The following PRB3 variants were observed in gnomAD, a reference collection of about 807,000 sequenced individuals.
The protein encoded by PRB3 is basic salivary proline-rich protein 3.
Under a neutral mutation model 10.0 loss-of-function variants are expected in PRB3, and 9 were observed. That is an observed-to-expected ratio of 0.90 (90% CI 0.54 to 1.57). The LOEUF (loss-of-function observed/expected upper bound fraction) is 1.57. Among genes scored for constraint, PRB3 ranks in the 40% most tolerant of loss-of-function variants. The pLI, the probability that PRB3 is intolerant of heterozygous loss-of-function variation, is 0.00. For missense variants in PRB3, 285 were observed against 385.5 expected (o/e 0.74, Z 2.18); for synonymous variants, 89 against 138.6 (o/e 0.64, Z 2.52).
chr12:11,267,594 G>T lies in PRB3; in HGVS notation c.655C>A (p.Pro219Thr). 2 of 1,315,882 alleles carry T rather than the reference G, an allele frequency of 1.5e-6. No homozygotes were observed. The highest frequency in any genetic ancestry group is 2.7e-5 in the South Asian group (2 of 74,384). 81.5% of individuals were successfully genotyped at this position (1,315,882 alleles called of 1,614,324 possible). ...PQGGNQSQGP[P>T]PRPGKPEGPP... ...CCTTCTGGCTTTCCCGGACGAGGTG[G>T]GGGACCTTGGGACTGGTTTCCTCCT... The change falls in exon 3 of 4, where the codon CCA (proline) becomes ACA (threonine). Residue 219 changes from proline (P) to threonine (T), a missense_variant. This residue lies in a region of PRB3 where 30 missense variants were observed against 149.2 expected (regional missense o/e 0.20). Transcript: ENST00000538488.
At chr12:11,266,269 T>A (rs566135917) in intron 3 of PRB3, among the ~76,000 whole-genome samples, 1 of 152,244 alleles carries the variant, frequency 6.6e-6, no homozygotes, top group African/African-American at 2.4e-5. Flanking sequence ...TAGGTTGTTA[T>A]GACTCATTGC....
At position 11,268,095 on chromosome 12, in the gene PRB3, G is replaced by A. The variant is rs199739275; in HGVS notation, c.154C>T (p.Pro52Ser). The change falls in exon 3 of 4, where the codon CCT becomes TCT. Residue 52 changes from proline to serine, a missense_variant. Physicochemically the swap from Pro to Ser is moderately conservative, Grantham distance 74. Around this residue, in one of 3 missense-constraint regions of PRB3, gnomAD observed 147 missense variants for 129.4 expected, o/e 1.14. Coordinates refer to ENST00000538488, the MANE Select transcript of PRB3 (RefSeq NM_001394862.1). ...CGTCCTTCTGGCTTTCCTGGAGGAG[G>A]TGGGGTACGTTGGGGCTGGTTTCCT... ...QGGNQPQRTP[P>S]PPGKPEGRPP... The A allele has an allele frequency of 3.3e-4, 537 of 1,613,284 alleles. 3 individuals are homozygous for A. In the African/African-American group the frequency reaches 3.9e-3, roughly 12 times the overall value.
At position 11,268,000 on chromosome 12, in the gene PRB3, T is replaced by G; in HGVS notation, c.249A>C (p.Pro83=). 2 of 1,592,298 alleles carry G rather than the reference T, an allele frequency of 1.3e-6. No homozygotes were observed. Among genetic ancestry groups the G allele is most frequent in the Non-Finnish European group, 1.7e-6 (2 of 1,167,856 alleles). Residue 83 remains proline (P), a synonymous_variant, in exon 3 of 4, where the codon CCA becomes CCC. Coordinates refer to ENST00000538488, the MANE Select transcript of PRB3 (RefSeq NM_001394862.1). ...PRPGKPEGPP[P]QGGNQSQGPP... ...GACCTTGGGACTGGTTTCCTCCTTGTGGGGGTGGTCCTTCTGGCTTTCCTG... is the reference window on the plus strand; with the variant it reads ...GACCTTGGGACTGGTTTCCTCCTTGGGGGGGTGGTCCTTCTGGCTTTCCTG...
chr12:11,267,163 A>G lies in PRB3; in HGVS notation c.*17+13T>C. The G allele has an allele frequency of 1.9e-6, 3 of 1,587,124 alleles. No individual in the cohort carries two copies. Among genetic ancestry groups the G allele is most frequent in the Non-Finnish European group, 2.6e-6 (3 of 1,155,544 alleles). ...ACTTAGAGCACTTGGTGAAGAATAA[A>G]CTGGAATCATACCTGTCATTGAACC... On this transcript the variant is annotated intron_variant, in intron 3 of 3. Coordinates refer to ENST00000538488, the MANE Select transcript of PRB3 (RefSeq NM_001394862.1).
Position 11,268,071 on chromosome 12 carries a change from G to A in PRB3, c.178C>T (p.Arg60Ter), listed in dbSNP as rs763857405. 1.1e-5 allele frequency: 18 copies of A among 1,612,308 alleles called. No individual in the cohort carries two copies. Among genetic ancestry groups the A allele is most frequent in the East Asian group, 8.9e-5 (4 of 44,726 alleles). Residue 60 changes from arginine to a stop codon, truncating the protein, a stop_gained, in exon 3 of 4, where the codon CGA becomes TGA. Coordinates refer to ENST00000538488, the MANE Select transcript of PRB3 (RefSeq NM_001394862.1). LOFTEE classifies it low-confidence loss of function (END_TRUNC). ...TPPPPGKPEG[R>*]PPQGGNQSQG... ...GACTGGTTGCCTCCTTGTGGGGGTC[G>A]TCCTTCTGGCTTTCCTGGAGGAGGT...
intron 2 of PRB3, 129 bp from the exon 3 acceptor site, chr12:11,268,277 A>T: frequency 5.5e-6 from 8 of 1,463,274 alleles, no homozygotes; most frequent in Non-Finnish European, 7.5e-6. Context: ...GTGAAGCTCT[A>T]GAACTCTGGA....
Position 11,269,635 on chromosome 12 carries a change from G to A in PRB3, c.35C>T (p.Ala12Val), listed in dbSNP as rs576312408. The A allele has an allele frequency of 4.3e-6, 7 of 1,614,114 alleles. No homozygotes were observed. In the East Asian group the frequency reaches 1.1e-4, roughly 26 times the overall value. ...LLILLSVALLALSSAQSLNED... is the reference protein window; with the variant it reads ...LLILLSVALLVLSSAQSLNED... ...ATTTAAGCTCTGAGCTGAGCTCAGGGCCAGCAGGGCCACCGACAGCAGAAT... is the reference window on the plus strand; with the variant it reads ...ATTTAAGCTCTGAGCTGAGCTCAGGACCAGCAGGGCCACCGACAGCAGAAT... The change falls in exon 1 of 4, where the codon GCC becomes GTC. Residue 12 changes from alanine to valine, a missense_variant. Around this residue, in one of 3 missense-constraint regions of PRB3, gnomAD observed 147 missense variants for 129.4 expected, o/e 1.14. Transcript: ENST00000538488.
chr12:11,266,599 A>C (rs1328842163), intron 3 of PRB3, among the ~76,000 whole-genome samples: 2 of 152,246 alleles, frequency 1.3e-5, no homozygotes, highest in East Asian at 3.8e-4. Flanking sequence ...AATATTTCAA[A>C]GAGAAGATCC....
intron 3 of PRB3, among the ~76,000 whole-genome samples, chr12:11,266,329 T>C (rs1948586385): frequency 1.3e-5 from 2 of 152,204 alleles, no homozygotes; most frequent in South Asian, 2.1e-4. Context: ...TCAGAACCTA[T>C]TTTATAATAG....
intron 1 of PRB3, among the ~76,000 whole-genome samples, chr12:11,269,099 T>A (rs1948625229): frequency 6.6e-6 from 1 of 152,218 alleles, no homozygotes; most frequent in South Asian, 2.1e-4. Context: ...TGAAATACTG[T>A]GTGTAGGGGA....
Position 11,268,089 on chromosome 12 carries a change from G to T in PRB3, c.160C>A (p.Pro54Thr). 6.2e-7 allele frequency: 1 copy of T among 1,612,882 alleles called. No individual in the cohort carries two copies. The highest frequency in any genetic ancestry group is 1.1e-5 in the South Asian group (1 of 91,024). ...GNQPQRTPPP[P>T]GKPEGRPPQG... is the part of the protein sequence containing the mutation. ...GGGGGTCGTCCTTCTGGCTTTCCTG[G>T]AGGAGGTGGGGTACGTTGGGGCTGG... The change falls in exon 3 of 4, where the codon CCA becomes ACA. Residue 54 changes from proline (P) to threonine (T), a missense_variant. Physicochemically the swap from Pro to Thr is conservative, Grantham distance 38 (BLOSUM62 -1). Coordinates refer to ENST00000538488, the MANE Select transcript of PRB3 (RefSeq NM_001394862.1).
At position 11,267,319 on chromosome 12, in the gene PRB3, T is replaced by G. The variant is rs772981780; in HGVS notation, c.930A>C (p.Gly310=). ...QRPPPPGRPQ[G]PPPPGGNPQQ... is the part of the protein sequence containing the mutation. ...GGGGATTGCCTCCTGGTGGGGGTGG[T>G]CCTTGTGGCCTTCCTGGAGGAGGGG... Residue 310 remains glycine, a synonymous_variant, in exon 3 of 4, where the codon GGA becomes GGC. Coordinates refer to ENST00000538488, the MANE Select transcript of PRB3 (RefSeq NM_001394862.1). 3.7e-6 allele frequency: 6 copies of G among 1,611,676 alleles called. No individual in the cohort carries two copies. The highest frequency in any genetic ancestry group is 3.3e-5 in the South Asian group (3 of 90,818).
In PRB3 at chr12:11,267,930, C is replaced by T. The variant is rs1490839468; in HGVS notation, c.319G>A (p.Gly107Arg). 6.5e-7 allele frequency: 1 copy of T among 1,542,338 alleles called. No individual in the cohort carries two copies. The highest frequency in any genetic ancestry group is 1.8e-5 in the African/African-American group (1 of 56,864). ...GGTGGGGGACCTTGGGACTGGTTTCCTCCTTGTGGGGGTTGTCCTTCTGGC... is the reference window on the plus strand; with the variant it reads ...GGTGGGGGACCTTGGGACTGGTTTCTTCCTTGTGGGGGTTGTCCTTCTGGC... ...GKPEGQPPQG[G>R]NQSQGPPPRP... is the part of the protein sequence containing the mutation. Residue 107 changes from glycine to arginine, a missense_variant, in exon 3 of 4, where the codon GGA (glycine) becomes AGA (arginine). Around this residue, in one of 3 missense-constraint regions of PRB3, gnomAD observed 30 missense variants for 149.2 expected, o/e 0.20. Coordinates refer to ENST00000538488, the MANE Select transcript of PRB3 (RefSeq NM_001394862.1).
rs780134702 is a variant in PRB3 at position 11,268,088 on chromosome 12, G to A, written c.161C>T (p.Pro54Leu). 3.7e-6 allele frequency: 6 copies of A among 1,612,928 alleles called. No homozygotes were observed. Among genetic ancestry groups the A allele is most frequent in the Non-Finnish European group, 3.4e-6 (4 of 1,179,430 alleles). ...GNQPQRTPPPPGKPEGRPPQG... is the reference protein window; with the variant it reads ...GNQPQRTPPPLGKPEGRPPQG... ...TGGGGGTCGTCCTTCTGGCTTTCCT[G>A]GAGGAGGTGGGGTACGTTGGGGCTG... The change falls in exon 3 of 4, where the codon CCA becomes CTA. Residue 54 changes from proline to leucine, a missense_variant. Coordinates refer to ENST00000538488, the MANE Select transcript of PRB3 (RefSeq NM_001394862.1).
At position 11,269,611 on chromosome 12, in the gene PRB3, T is replaced by G. The variant is rs377736413; in HGVS notation, c.59A>C (p.Asn20Thr). The G allele has an allele frequency of 7.4e-6, 12 of 1,613,958 alleles. No homozygotes were observed. The African/African-American group carries it at 1.5e-4, about 20-fold the overall frequency. The change falls in exon 1 of 4, where the codon AAT (asparagine) becomes ACT (threonine). Residue 20 changes from asparagine to threonine, a missense_variant. Around this residue, in one of 3 missense-constraint regions of PRB3, gnomAD observed 147 missense variants for 129.4 expected, o/e 1.14. Coordinates refer to ENST00000538488, the MANE Select transcript of PRB3 (RefSeq NM_001394862.1). ...LLALSSAQSL[N>T]EDVSQEESPS... Reference sequence around the variant, plus strand: ...TTCTCCTCCTTCTGTCTTACCTTCATTTAAGCTCTGAGCTGAGCTCAGGGC... The same window carrying G: ...TTCTCCTCCTTCTGTCTTACCTTCAGTTAAGCTCTGAGCTGAGCTCAGGGC...
chr12:11,267,000 G>A (rs1479590956), intron 3 of PRB3, among the ~76,000 whole-genome samples, 176 bp downstream of exon 3: 1 of 152,186 alleles, frequency 6.6e-6, no homozygotes, highest in Non-Finnish European at 1.5e-5. Context: ...TCCTTAAAGA[G>A]TTTGTTAGAA....
intron 2 of PRB3, 26 bp downstream of exon 2, chr12:11,268,607 C>G (rs371946805): frequency 6.3e-7 from 1 of 1,592,566 alleles, no homozygotes; most frequent in Non-Finnish European, 8.6e-7. Flanking sequence ...ATAGTTAAAA[C>G]AGATTGAGAG....
rs1948595224 is a variant in PRB3 at position 11,267,235 on chromosome 12, C to A, written c.1014G>T (p.Gly338=). The A allele has an allele frequency of 6.2e-7, 1 of 1,613,882 alleles. No homozygotes were observed. Among genetic ancestry groups the A allele is most frequent in the African/African-American group, 1.3e-5 (1 of 74,882 alleles). Residue 338 remains glycine (G), a synonymous_variant, in exon 3 of 4, where the codon GGG becomes GGT. Coordinates refer to ENST00000538488, the MANE Select transcript of PRB3 (RefSeq NM_001394862.1). ...KPQGPPPPPQ[G]GRPHRPPQGQ... ...CCTGGGGAGGTCTGTGTGGTCTGCC[C>A]CCTTGAGGAGGTGGAGGTGGTCCCT...
At chr12:11,267,136 A>G (rs765088159) in intron 3 of PRB3, 40 bp downstream of exon 3, 1 of 1,547,870 alleles carries the variant, frequency 6.5e-7, no homozygotes, top group Non-Finnish European at 8.9e-7. Context: ...GAGAACTGTA[A>G]CACTTAGAGC....
Sources: allele counts gnomAD v4.1 joint callset (sites outside exome capture counted in the v4.1 genomes callset), GRCh38; gene constraint gnomAD v4.1.1; regional missense constraint gnomAD v4.1.1; transcripts MANE v1.5; gene names NCBI Gene and HGNC (gene_info 2026-07-23, HGNC 2026-07-21).